ARFGEF1: variants seen among roughly 807,000 people sequenced by gnomAD.
The protein encoded by ARFGEF1 is ARF guanine nucleotide exchange factor 1, also known as brefeldin A-inhibited guanine nucleotide-exchange protein 1.
Under a neutral mutation model 231.0 loss-of-function variants are expected in ARFGEF1, and 42 were observed. That is an observed-to-expected ratio of 0.18 (90% CI 0.14 to 0.24). The LOEUF is 0.24. Ranked by LOEUF, ARFGEF1 falls within the 10% of genes least tolerant of loss-of-function variation. ARFGEF1 has a pLI of 1.00. For synonymous variants in ARFGEF1, 710 were observed against 732.3 expected (o/e 0.97, Z 0.49); for missense variants, 1,345 against 2,192.0 (o/e 0.61, Z 7.72).
At chr8:67,339,039 G>A (rs899573543) in intron 1 of ARFGEF1, among the ~76,000 whole-genome samples, 3 of 152,168 alleles carry the variant, frequency 2.0e-5, no homozygotes, top group African/African-American at 7.2e-5. Context: ...TGGGATTAAA[G>A]GGGCAGAAGG....
intron 19 of ARFGEF1, among the ~76,000 whole-genome samples, chr8:67,248,215 A>C (rs1477140325): frequency 1.3e-5 from 2 of 150,274 alleles, no homozygotes; most frequent in Admixed American, 1.3e-4. Flanking sequence ...AAACTGAAGA[A>C]ATCACATTAC....
At chr8:67,290,247 C>T (rs554073417) in intron 6 of ARFGEF1, among the ~76,000 whole-genome samples, 5 of 152,264 alleles carry the variant, frequency 3.3e-5, no homozygotes, top group South Asian at 2.1e-4. Flanking sequence ...ACCTCACACA[C>T]GGCAGATGCT....
At chr8:67,297,258 A>T (rs751604535) in intron 4 of ARFGEF1, among the ~76,000 whole-genome samples, 1 of 152,208 alleles carries the variant, frequency 6.6e-6, no homozygotes, top group Non-Finnish European at 1.5e-5. Context: ...GTCACATGAG[A>T]TATCTGTTGA....
At chr8:67,330,422 G>A (rs1587334183) in intron 1 of ARFGEF1, among the ~76,000 whole-genome samples, 1 of 152,096 alleles carries the variant, frequency 6.6e-6, no homozygotes, top group East Asian at 1.9e-4. Context: ...TGGGGATTGA[G>A]GGTAGAAACA....
At chr8:67,309,623 T>A (rs1474623040) in intron 1 of ARFGEF1, among the ~76,000 whole-genome samples, 1 of 152,226 alleles carries the variant, frequency 6.6e-6, no homozygotes, top group East Asian at 1.9e-4. Context: ...CTACTTAGAT[T>A]CATAAGTTTT....
At chr8:67,325,223 C>CTT (rs767351969) in intron 1 of ARFGEF1, among the ~76,000 whole-genome samples, 1,800 of 143,332 alleles carry the variant, frequency 0.013, 34 homozygotes, top group African/African-American at 0.043. Context: ...GAAAAATCCA[C>CTT]TTTTTTTTTT....
chr8:67,192,527 A>G (rs1410944352), intron 5 of ARFGEF1, among the ~76,000 whole-genome samples: 3 of 152,332 alleles, frequency 2.0e-5, no homozygotes, highest in East Asian at 1.9e-4. Flanking sequence ...TTTGAAGCAC[A>G]GAAGTTTTTA....
At chr8:67,232,567 G>C (rs1224948648) in intron 23 of ARFGEF1, among the ~76,000 whole-genome samples, 2 of 151,832 alleles carry the variant, frequency 1.3e-5, no homozygotes, top group African/African-American at 4.8e-5. Context: ...TTTTCTACGA[G>C]AAAATAAAAC....
At position 67,222,204 on chromosome 8, in the gene ARFGEF1, T is replaced by TATATAC. The variant is rs1491480114; in HGVS notation, c.4209-2645_4209-2644insGTATAT. Among the ~76,000 whole-genome samples, 4 of 114,430 alleles carry TATATAC rather than the reference T, an allele frequency of 3.5e-5. 1 individual carries two copies. In the East Asian group the frequency reaches 7.4e-4, roughly 21 times the overall value. The allele number at this position is 114,430 out of a possible 152,430, so 75.1% of individuals were successfully genotyped here. On this transcript the variant is annotated intron_variant, in intron 29 of 38. Coordinates refer to ENST00000262215, the MANE Select transcript of ARFGEF1 (RefSeq NM_006421.5). ...ACACATATATATATATATATATATA[T>TATATAC]ACACACACATATATATATATGTATA...
chr8:67,175,084 G>C, downstream of ARFGEF1: 5 of 508,002 alleles, frequency 9.8e-6, no homozygotes, highest in Non-Finnish European at 1.4e-5. Flanking sequence ...ATGTTGGTAA[G>C]TTTGTGAAAA....
chr8:67,212,143 C>T (rs1334159982), intron 33 of ARFGEF1, among the ~76,000 whole-genome samples: 2 of 152,278 alleles, frequency 1.3e-5, no homozygotes, highest in East Asian at 1.9e-4. Context: ...AGTGCAATGG[C>T]GCGATCTCGG....
At chr8:67,217,535 T>A (rs1838980142) in intron 32 of ARFGEF1, among the ~76,000 whole-genome samples, 1 of 152,206 alleles carries the variant, frequency 6.6e-6, no homozygotes, top group South Asian at 2.1e-4. Flanking sequence ...CAGAATCACT[T>A]CATTATGTCC....
chr8:67,267,596 T>C (rs1483440850), intron 10 of ARFGEF1, among the ~76,000 whole-genome samples, 154 bp from the exon 11 acceptor site: 1 of 152,194 alleles, frequency 6.6e-6, no homozygotes, highest in Non-Finnish European at 1.5e-5. Context: ...TCCTCAGGAC[T>C]AAAATATCTT....
downstream of ARFGEF1, chr8:67,195,447 T>A: frequency 6.2e-7 from 1 of 1,614,186 alleles, no homozygotes; most frequent in Non-Finnish European, 8.5e-7. Context: ...CGGATCAAAC[T>A]CTGTAGCAAC....
At chr8:67,287,482 C>G (rs1228219947) in intron 7 of ARFGEF1, among the ~76,000 whole-genome samples, 1 of 152,170 alleles carries the variant, frequency 6.6e-6, no homozygotes, top group African/African-American at 2.4e-5. Context: ...GCAGTGAGTA[C>G]AACTATATGC....
intron 34 of ARFGEF1, 174 bp from the exon 35 acceptor site, chr8:67,204,993 T>C (rs907456933): frequency 2.6e-6 from 2 of 778,640 alleles, no homozygotes; most frequent in Non-Finnish European, 1.9e-6. Flanking sequence ...AACTGATATT[T>C]AGAAAAGCCT....
chr8:67,320,387 C>T (rs756489749), intron 1 of ARFGEF1, among the ~76,000 whole-genome samples: 63 of 152,118 alleles, frequency 4.1e-4, no homozygotes, highest in Non-Finnish European at 5.3e-4. Context: ...GCAACAAGAA[C>T]GCAAATACAC....
chr8:67,273,039 G>A (rs1400979468), intron 9 of ARFGEF1, among the ~76,000 whole-genome samples: 2 of 151,976 alleles, frequency 1.3e-5, no homozygotes, highest in South Asian at 4.2e-4. Flanking sequence ...CCTGGGAGGT[G>A]GAGGTTGCAG....
chr8:67,328,129 A>C (rs1807926620), intron 1 of ARFGEF1, among the ~76,000 whole-genome samples: 1 of 152,208 alleles, frequency 6.6e-6, no homozygotes, highest in African/African-American at 2.4e-5. Context: ...TTTAAAAAAG[A>C]TATAAAAGAG....
Sources: gnomAD v4.1 joint callset for allele counts (sites outside exome capture counted in the v4.1 genomes callset) on GRCh38, gnomAD v4.1.1 for gene constraint, MANE v1.5 for transcripts, NCBI Gene and HGNC (gene_info 2026-07-23, HGNC 2026-07-21) for gene names.